The following AFF3 variants were observed in gnomAD, a reference collection of about 807,000 sequenced individuals.
The protein encoded by AFF3 is AF4/FMR2 family member 3.
A neutral mutation model predicts 129.7 loss-of-function variants in AFF3; 32 were observed. That is an observed-to-expected ratio of 0.25 (90% CI 0.19 to 0.33). The LOEUF (loss-of-function observed/expected upper bound fraction) is 0.33. Among genes scored for constraint, AFF3 ranks in the 10% least tolerant of loss-of-function variants. AFF3 has a pLI of 1.00. For synonymous variants in AFF3, 644 were observed against 635.4 expected, an observed-to-expected ratio of 1.01 and a Z score of -0.20; for missense variants, 1,373 against 1,592.0, an observed-to-expected ratio of 0.86 and a Z score of 2.34.
In AFF3 at chr2:100,007,472, A is replaced by G. The variant is rs1238431385; in HGVS notation, c.175-12T>C. The G allele has an allele frequency of 6.2e-7, 1 of 1,605,844 alleles. No individual in the cohort carries two copies. Among genetic ancestry groups the G allele is most frequent in the Non-Finnish European group, 8.5e-7 (1 of 1,175,406 alleles). ...TCCCCCTTGTTAGTCTGGAGAAAGAAAAACACATCCACGCTATTGTTAGAG... is the reference window on the plus strand; with the variant it reads ...TCCCCCTTGTTAGTCTGGAGAAAGAGAAACACATCCACGCTATTGTTAGAG... On this transcript the variant is annotated splice_polypyrimidine_tract_variant and intron_variant, in intron 5 of 24. Coordinates refer to ENST00000672756, the MANE Select transcript of AFF3 (RefSeq NM_001386135.1).
At chr2:100,085,451 T>C (rs77491171) in intron 4 of AFF3, among the ~76,000 whole-genome samples, 28,008 of 151,176 alleles carry the variant, frequency 0.19, 2,666 homozygotes, top group East Asian at 0.28. Flanking sequence ...TGAGGCTCTT[T>C]CTTGGTCTTT....
chr2:99,719,046 C>A (rs62156499), intron 11 of AFF3, among the ~76,000 whole-genome samples: 1 of 133,396 alleles, frequency 7.5e-6, no homozygotes, highest in Non-Finnish European at 1.6e-5. Context: ...CCAACGCGCC[C>A]GGCCTTTTTT....
At chr2:99,555,956 G>GAA (rs1270904210) in intron 22 of AFF3, among the ~76,000 whole-genome samples, 2 of 152,190 alleles carry the variant, frequency 1.3e-5, no homozygotes, top group Non-Finnish European at 2.9e-5. Flanking sequence ...CTGAACAGGG[G>GAA]AGCTTATCCT....
At chr2:99,820,161 T>G (rs1315839973) in intron 8 of AFF3, among the ~76,000 whole-genome samples, 1 of 152,176 alleles carries the variant, frequency 6.6e-6, no homozygotes, top group Non-Finnish European at 1.5e-5. Context: ...GAATTCGTCG[T>G]TGTGCAAGCA....
chr2:99,981,323 T>C (rs1679382573), intron 7 of AFF3, among the ~76,000 whole-genome samples: 1 of 152,172 alleles, frequency 6.6e-6, no homozygotes, highest in Admixed American at 6.5e-5. Context: ...CGGCCCAAAA[T>C]CATGTTTTAA....
chr2:99,552,304 C>G (rs776485699), intron 24 of AFF3, among the ~76,000 whole-genome samples: 1 of 152,126 alleles, frequency 6.6e-6, no homozygotes, highest in African/African-American at 2.4e-5. Flanking sequence ...GTGGGAGAAT[C>G]GCTTGAACCC....
At chr2:99,898,195 G>A (rs1340408486) in intron 7 of AFF3, among the ~76,000 whole-genome samples, 1 of 152,204 alleles carries the variant, frequency 6.6e-6, no homozygotes, top group Non-Finnish European at 1.5e-5. Flanking sequence ...CTTCATTTCT[G>A]CTTTAGCTTC....
chr2:99,677,378 C>T (rs780303212), intron 11 of AFF3, among the ~76,000 whole-genome samples: 5 of 152,136 alleles, frequency 3.3e-5, no homozygotes, highest in Non-Finnish European at 7.3e-5. Flanking sequence ...ACGTTAGCAC[C>T]TCATGGTGAC....
chr2:99,893,218 C>T (rs2106095445), intron 7 of AFF3, among the ~76,000 whole-genome samples: 1 of 152,334 alleles, frequency 6.6e-6, no homozygotes, highest in African/African-American at 2.4e-5. Flanking sequence ...CAGGATGTGA[C>T]AATGGTCACA....
At chr2:99,625,487 G>C (rs989989741) in intron 13 of AFF3, among the ~76,000 whole-genome samples, 2 of 152,158 alleles carry the variant, frequency 1.3e-5, no homozygotes, top group East Asian at 3.9e-4. Context: ...CTTTCTTGGA[G>C]GGGTTGTGTA....
At chr2:99,672,511 G>A in intron 12 of AFF3, 27 bp downstream of exon 12, 1 of 1,607,352 alleles carries the variant, frequency 6.2e-7, no homozygotes, top group East Asian at 2.2e-5. Flanking sequence ...CACCTCCAAA[G>A]GATGATGACA....
At chr2:99,937,045 T>C (rs1674583983) in intron 7 of AFF3, among the ~76,000 whole-genome samples, 1 of 152,218 alleles carries the variant, frequency 6.6e-6, no homozygotes, top group South Asian at 2.1e-4. Context: ...TATTTCTTGA[T>C]GGACAGGAAC....
chr2:100,130,057 G>A (rs1052244253), intron 1 of AFF3, among the ~76,000 whole-genome samples: 2 of 152,164 alleles, frequency 1.3e-5, no homozygotes, highest in African/African-American at 4.8e-5. Flanking sequence ...TGCTGCCAGC[G>A]GGAATCCCTG....
intron 2 of AFF3, among the ~76,000 whole-genome samples, chr2:100,117,409 C>T (rs2105546518): frequency 6.6e-6 from 1 of 152,302 alleles, no homozygotes; most frequent in South Asian, 2.1e-4. Flanking sequence ...TTTATGTCAT[C>T]TCTTGTTAAA....
chr2:99,601,313 C>T lies in AFF3; in HGVS notation c.1371+122G>A, dbSNP rs924901482. On this transcript the variant is annotated intron_variant, in intron 14 of 24. Coordinates refer to ENST00000672756, the MANE Select transcript of AFF3 (RefSeq NM_001386135.1). The stretch of plus-strand genomic sequence containing the variant: ...CCCATAGCCTCCTCCTTCCCAGCAC[C>T]TGGCTTGGGGTCTGCAGGAGGGAGG... 10 of 1,200,084 alleles carry T rather than the reference C, an allele frequency of 8.3e-6. No homozygotes were observed. The Admixed American group carries it at 1.4e-4, about 17-fold the overall frequency. The allele number at this position is 1,200,084 out of a possible 1,614,324, so 74.3% of individuals were successfully genotyped here. A position where few individuals can be genotyped will look rare whatever the true frequency, so the allele number is the denominator to read the frequency against.
At chr2:99,711,600 A>C (rs1476501582) in intron 11 of AFF3, among the ~76,000 whole-genome samples, 1 of 152,220 alleles carries the variant, frequency 6.6e-6, no homozygotes, top group Admixed American at 6.5e-5. Flanking sequence ...TTACATCTCA[A>C]CTAGAATCCA....
At chr2:99,825,308 T>C (rs1343475108) in intron 8 of AFF3, among the ~76,000 whole-genome samples, 1 of 152,226 alleles carries the variant, frequency 6.6e-6, no homozygotes, top group Non-Finnish European at 1.5e-5. Flanking sequence ...TTATATTGCT[T>C]TCATCCTCAA....
chr2:99,793,291 C>T (rs1010957073), intron 8 of AFF3, among the ~76,000 whole-genome samples: 2 of 152,212 alleles, frequency 1.3e-5, no homozygotes, highest in African/African-American at 2.4e-5. Flanking sequence ...CGTGAGGCCT[C>T]GCCAGAAGCG....
At chr2:99,936,871 C>T (rs1558990686) in intron 7 of AFF3, among the ~76,000 whole-genome samples, 2 of 152,210 alleles carry the variant, frequency 1.3e-5, no homozygotes, top group African/African-American at 4.8e-5. Flanking sequence ...AACTGTGGCA[C>T]TTTTCATAAG....
Sources: gnomAD v4.1 joint callset for allele counts (sites outside exome capture counted in the v4.1 genomes callset) on GRCh38, gnomAD v4.1.1 for gene constraint, MANE v1.5 for transcripts, NCBI Gene and HGNC (gene_info 2026-07-23, HGNC 2026-07-21) for gene names.